The following MLLT3 variants were observed in gnomAD, a reference collection of about 807,000 sequenced individuals.
The protein encoded by MLLT3 is MLLT3 super elongation complex subunit.
A neutral mutation model predicts 53.2 loss-of-function variants in MLLT3; 4 were observed. The observed-to-expected ratio is 0.08, with a 90% CI of 0.04 to 0.17. MLLT3 has a LOEUF of 0.17. Ranked by LOEUF, MLLT3 falls within the 10% of genes least tolerant of loss-of-function variation. The pLI is 1.00. For synonymous variants in MLLT3, 283 were observed against 230.6 expected (o/e 1.23, Z -2.06); for missense variants, 569 against 684.0 (o/e 0.83, Z 1.87).
intron 2 of MLLT3, among the ~76,000 whole-genome samples, chr9:20,547,557 T>C (rs1418693471): frequency 6.7e-6 from 1 of 150,214 alleles, no homozygotes; most frequent in Non-Finnish European, 1.5e-5. Context: ...GGCAAGAGAA[T>C]CTCTTGAACC....
intron 3 of MLLT3, among the ~76,000 whole-genome samples, chr9:20,451,415 T>C (rs897563683): frequency 6.6e-6 from 1 of 152,180 alleles, no homozygotes; most frequent in Non-Finnish European, 1.5e-5. Flanking sequence ...AATATCAACA[T>C]CACTTTATAG....
chr9:20,417,840 A>G (rs1227009576), intron 4 of MLLT3, among the ~76,000 whole-genome samples: 2 of 152,128 alleles, frequency 1.3e-5, no homozygotes, highest in Admixed American at 1.3e-4. Context: ...AAAAAATCAG[A>G]ACTACTGGCC....
intron 5 of MLLT3, among the ~76,000 whole-genome samples, chr9:20,390,739 G>A (rs1017903923): frequency 1.3e-5 from 2 of 152,174 alleles, no homozygotes; most frequent in Admixed American, 6.5e-5. Context: ...TTTTTCAAAA[G>A]CTGAGTTAGA....
At chr9:20,547,915 G>A (rs1818832093) in intron 2 of MLLT3, among the ~76,000 whole-genome samples, 1 of 152,146 alleles carries the variant, frequency 6.6e-6, no homozygotes, top group African/African-American at 2.4e-5. Context: ...TCACATGACT[G>A]CACTCCCATC....
In MLLT3 at chr9:20,620,888, G is replaced by C; in HGVS notation, c.13-54C>G. 2 of 1,587,548 alleles carry C rather than the reference G, an allele frequency of 1.3e-6. No homozygotes were observed. The highest frequency in any genetic ancestry group is 2.2e-5 in the South Asian group (2 of 90,562). ...TGAATAACAGGAAGGCGAGGTTTCG[G>C]CAGTGAACGTTGCGCCTGACATTTT... On this transcript the variant is annotated intron_variant, in intron 1 of 10. Transcript: ENST00000380338. The surrounding 1 kb of genome is among the most constrained non-coding windows in gnomAD (Gnocchi z 6.1).
intron 2 of MLLT3, among the ~76,000 whole-genome samples, chr9:20,553,742 G>A (rs1818985509): frequency 6.6e-6 from 1 of 151,842 alleles, no homozygotes; most frequent in African/African-American, 2.4e-5. Flanking sequence ...CTAGAAGACA[G>A]GAAACAACAG....
In MLLT3 at chr9:20,414,159, G is replaced by A; in HGVS notation, c.687C>T (p.Ser229=). ...CTTTGGGTTTCTTAGAGGATTCTTT[G>A]GAAGATTTGTTGTGATCCCTGGAAG... ...KEPSRDHNKS[S]KESSKKPKEN... The change falls in exon 5 of 11, where the codon TCC becomes TCT. Residue 229 remains serine, a synonymous_variant. Coordinates refer to ENST00000380338, the MANE Select transcript of MLLT3 (RefSeq NM_004529.4). 1.2e-6 allele frequency: 2 copies of A among 1,614,120 alleles called. No homozygotes were observed. Among genetic ancestry groups the A allele is most frequent in the Non-Finnish European group, 8.5e-7 (1 of 1,179,990 alleles).
At chr9:20,353,913 T>C (rs1345271889) in intron 9 of MLLT3, among the ~76,000 whole-genome samples, 1 of 152,144 alleles carries the variant, frequency 6.6e-6, no homozygotes, top group Non-Finnish European at 1.5e-5. Context: ...GGAAATTAAA[T>C]GCTAAATTGT....
chr9:20,405,470 G>T (rs1034916470), intron 5 of MLLT3, among the ~76,000 whole-genome samples: 1 of 152,180 alleles, frequency 6.6e-6, no homozygotes, highest in Non-Finnish European at 1.5e-5. Context: ...TCTGAACAAG[G>T]TTTAATCATC....
chr9:20,573,513 T>TAC (rs1819584020), intron 2 of MLLT3, among the ~76,000 whole-genome samples: 1 of 151,874 alleles, frequency 6.6e-6, no homozygotes, highest in South Asian at 2.1e-4. Context: ...TAAGACATAA[T>TAC]ACAAATAAAA....
intron 6 of MLLT3, among the ~76,000 whole-genome samples, chr9:20,364,268 C>G (rs1244087925): frequency 2.0e-5 from 3 of 152,056 alleles, no homozygotes; most frequent in Non-Finnish European, 2.9e-5. Flanking sequence ...TGTAATAAAT[C>G]AGGTACACAG....
At chr9:20,605,935 C>T (rs992793292) in intron 2 of MLLT3, among the ~76,000 whole-genome samples, 3 of 152,030 alleles carry the variant, frequency 2.0e-5, no homozygotes, top group Non-Finnish European at 4.4e-5. Context: ...AGTATGTGCA[C>T]GAATGGATAT....
chr9:20,437,934 G>T (rs1291600046), intron 4 of MLLT3, among the ~76,000 whole-genome samples: 1 of 152,146 alleles, frequency 6.6e-6, no homozygotes, highest in Non-Finnish European at 1.5e-5. Flanking sequence ...TCTTTCAAAG[G>T]ATTAGCTTGG....
chr9:20,417,046 T>C (rs1464528594), intron 4 of MLLT3, among the ~76,000 whole-genome samples: 1 of 151,352 alleles, frequency 6.6e-6, no homozygotes, highest in Admixed American at 6.6e-5. Flanking sequence ...CTTATATACA[T>C]ATGGGGGTCT....
intron 2 of MLLT3, among the ~76,000 whole-genome samples, chr9:20,590,704 A>G (rs1237947472): frequency 6.6e-6 from 1 of 152,124 alleles, no homozygotes; most frequent in African/African-American, 2.4e-5. Flanking sequence ...AGTTCTTCAT[A>G]GCAGTGTGAA....
chr9:20,438,863 C>G (rs1056923129), intron 4 of MLLT3, among the ~76,000 whole-genome samples: 2 of 152,072 alleles, frequency 1.3e-5, no homozygotes, highest in Admixed American at 1.3e-4. Context: ...TTTTATTTTA[C>G]TTCATTTTAC....
intron 2 of MLLT3, among the ~76,000 whole-genome samples, chr9:20,614,122 C>T (rs1272897752): frequency 2.0e-5 from 3 of 152,078 alleles, no homozygotes; most frequent in South Asian, 2.1e-4. Flanking sequence ...GGGCCGGGCG[C>T]GGTGCCTCAT....
chr9:20,508,288 T>C (rs1008389913), intron 2 of MLLT3, among the ~76,000 whole-genome samples: 2 of 152,166 alleles, frequency 1.3e-5, no homozygotes, highest in African/African-American at 4.8e-5. Flanking sequence ...CTTCCCCTTT[T>C]ATAAAGAAAA....
At chr9:20,563,320 A>G (rs1819265530) in intron 2 of MLLT3, among the ~76,000 whole-genome samples, 2 of 151,958 alleles carry the variant, frequency 1.3e-5, no homozygotes, top group South Asian at 2.1e-4. Flanking sequence ...ATCACTTGCT[A>G]TAACAGGTGA....
Sources: allele counts gnomAD v4.1 joint callset (sites outside exome capture counted in the v4.1 genomes callset), GRCh38; gene constraint gnomAD v4.1.1; non-coding constraint Gnocchi (gnomAD v3.1); transcripts MANE v1.5; gene names NCBI Gene and HGNC (gene_info 2026-07-23, HGNC 2026-07-21).